The following KCNN2 variants were observed in gnomAD, a reference collection of about 807,000 sequenced individuals.
KCNN2 encodes the protein small conductance calcium-activated potassium channel protein 2.
A neutral mutation model predicts 55.5 loss-of-function variants in KCNN2; 24 were observed. The observed-to-expected ratio is 0.43, with a 90% confidence interval of 0.31 to 0.61. The LOEUF (loss-of-function observed/expected upper bound fraction) is 0.61. KCNN2 is among the 20% of genes least tolerant of loss of function. The pLI, the probability that KCNN2 is intolerant of heterozygous loss-of-function variation, is 0.08. For synonymous variants in KCNN2, 431 were observed against 336.1 expected (o/e 1.28, Z -3.09); for missense variants, 754 against 853.6 (o/e 0.88, Z 1.45).
At chr5:114,234,928 G>A (rs930624153) in intron 2 of KCNN2, among the ~76,000 whole-genome samples, 2 of 152,172 alleles carry the variant, frequency 1.3e-5, no homozygotes, top group African/African-American at 4.8e-5. Flanking sequence ...AGGATTTTCT[G>A]TATCTATCTC....
Position 114,109,505 on chromosome 5 carries a change from C to T in KCNN2, c.-271+53005C>T, listed in dbSNP as rs148231604. ...CCATCTTAGAGTTTGTCCACCTCAA[C>T]TAGTTTCAGGGATGATTAAAACCCT... On this transcript the variant is annotated intron_variant, in intron 1 of 10. Transcript: ENST00000512097. Among the ~76,000 whole-genome samples, 13 of 152,180 alleles carry T rather than the reference C, an allele frequency of 8.5e-5. No individual in the cohort carries two copies. In the East Asian group the frequency reaches 1.6e-3, roughly 18 times the overall value.
intron 1 of KCNN2, among the ~76,000 whole-genome samples, chr5:114,136,648 A>C (rs1752179159): frequency 6.6e-6 from 1 of 152,200 alleles, no homozygotes; most frequent in East Asian, 1.9e-4. Flanking sequence ...CATTAATTTA[A>C]AAAATTGAAA....
At chr5:114,472,275 G>A (rs76628786) in intron 4 of KCNN2, among the ~76,000 whole-genome samples, 1,526 of 152,302 alleles carry the variant, frequency 0.01, 17 homozygotes, top group African/African-American at 0.035. Flanking sequence ...CTTGGAATGA[G>A]CACACCTTGA....
At chr5:114,168,166 G>GATATAT (rs140274096) in intron 1 of KCNN2, among the ~76,000 whole-genome samples, 4,467 of 139,594 alleles carry the variant, frequency 0.032, 230 homozygotes, top group African/African-American at 0.11. Flanking sequence ...TATATATGTG[G>GATATAT]ATATATATAC....
chr5:114,215,060 CT>C (rs1453573704), intron 1 of KCNN2, among the ~76,000 whole-genome samples: 1 of 152,006 alleles, frequency 6.6e-6, no homozygotes, highest in Non-Finnish European at 1.5e-5. Flanking sequence ...GAGGAGTGTA[CT>C]GATTTGGTGA....
intron 1 of KCNN2, among the ~76,000 whole-genome samples, chr5:114,188,781 A>T (rs938213029): frequency 2.0e-5 from 3 of 152,210 alleles, no homozygotes; most frequent in Admixed American, 2.0e-4. Flanking sequence ...GTTGAAAATT[A>T]TTATATGAAA....
intron 2 of KCNN2, among the ~76,000 whole-genome samples, chr5:114,285,907 A>G (rs1235338083): frequency 7.7e-6 from 1 of 129,830 alleles, no homozygotes; most frequent in African/African-American, 2.8e-5. Flanking sequence ...GGCACCTACA[A>G]TTTGGGAAGC....
At chr5:114,342,645 G>T (rs1050515948) in intron 2 of KCNN2, among the ~76,000 whole-genome samples, 19 of 152,124 alleles carry the variant, frequency 1.2e-4, no homozygotes, top group African/African-American at 4.3e-4. Flanking sequence ...TATGGCCCAA[G>T]AATTTTTTAA....
chr5:114,344,125 G>C (rs1208407249), intron 2 of KCNN2, among the ~76,000 whole-genome samples: 6 of 152,158 alleles, frequency 3.9e-5, no homozygotes, highest in Non-Finnish European at 8.8e-5. Context: ...GCCAAAATGT[G>C]AGGTTGAGGG....
At chr5:114,090,954 C>T (rs986922384) in intron 1 of KCNN2, among the ~76,000 whole-genome samples, 6 of 152,176 alleles carry the variant, frequency 3.9e-5, no homozygotes, top group Non-Finnish European at 8.8e-5. Flanking sequence ...CTGCCCACCT[C>T]AGCCTTCTGA....
intron 1 of KCNN2, among the ~76,000 whole-genome samples, chr5:114,159,429 G>A (rs553687663): frequency 6.4e-4 from 97 of 152,198 alleles, no homozygotes; most frequent in South Asian, 5.6e-3. Context: ...GGATTTTTGC[G>A]TCAATGTTCA....
intron 1 of KCNN2, among the ~76,000 whole-genome samples, chr5:114,199,598 A>G (rs908573502): frequency 5.1e-5 from 6 of 118,442 alleles, no homozygotes; most frequent in African/African-American, 1.5e-4. Context: ...TTTTATATGA[A>G]TTTTGGGTTT....
At chr5:114,091,106 C>T (rs1372879884) in intron 1 of KCNN2, among the ~76,000 whole-genome samples, 1 of 152,178 alleles carries the variant, frequency 6.6e-6, no homozygotes, top group African/African-American at 2.4e-5. Flanking sequence ...TTCCAATGTG[C>T]TGGGATTACA....
chr5:114,070,124 A>G (rs1159447981), intron 1 of KCNN2, among the ~76,000 whole-genome samples: 1 of 152,202 alleles, frequency 6.6e-6, no homozygotes, highest in African/African-American at 2.4e-5. Context: ...GTGCACGACC[A>G]TTGCTTTTCC....
At chr5:114,219,940 T>C (rs1561528072) in intron 1 of KCNN2, among the ~76,000 whole-genome samples, 1 of 152,178 alleles carries the variant, frequency 6.6e-6, no homozygotes, top group Non-Finnish European at 1.5e-5. Flanking sequence ...ACAGTAAAAG[T>C]TTTAGGCTTT....
intron 2 of KCNN2, among the ~76,000 whole-genome samples, chr5:114,372,535 G>T (rs996900268): frequency 2.6e-5 from 4 of 152,086 alleles, no homozygotes; most frequent in Admixed American, 6.6e-5. Context: ...TGTAATTTTA[G>T]TATATAATAT....
chr5:114,492,602 G>C (rs1456433759), intron 6 of KCNN2, among the ~76,000 whole-genome samples: 3 of 151,946 alleles, frequency 2.0e-5, no homozygotes, highest in African/African-American at 7.2e-5. Context: ...ACCTACAAGT[G>C]TTTTTTTAAT....
intron 1 of KCNN2, among the ~76,000 whole-genome samples, chr5:114,117,279 C>T (rs182397422): frequency 6.6e-6 from 1 of 152,240 alleles, no homozygotes; most frequent in East Asian, 1.9e-4. Context: ...TAGCTTTTTT[C>T]ACCTCGTCTT....
rs187591366 is a variant in KCNN2 at position 114,156,927 on chromosome 5, T to G, written c.-270-64553T>G. Among the ~76,000 whole-genome samples, 770 of 152,258 alleles carry G rather than the reference T, an allele frequency of 5.1e-3. 9 individuals are homozygous for G. Among genetic ancestry groups the G allele is most frequent in the African/African-American group, 0.018 (752 of 41,560 alleles). Reference sequence around the variant, plus strand: ...ATGTTCAAAATACTCAAGCAAGTATTTTTTCCAGGTTGTTTAGTTATGTAG... The same window carrying G: ...ATGTTCAAAATACTCAAGCAAGTATGTTTTCCAGGTTGTTTAGTTATGTAG... On this transcript the variant is annotated intron_variant, in intron 1 of 10. Transcript: ENST00000512097.
Sources: allele counts gnomAD v4.1 joint callset (sites outside exome capture counted in the v4.1 genomes callset), GRCh38; gene constraint gnomAD v4.1.1; transcripts MANE v1.5; gene names NCBI Gene and HGNC (gene_info 2026-07-23, HGNC 2026-07-21).